Variants in CRYBG1 observed in about 807,000 individuals in gnomAD.
CRYBG1 encodes beta/gamma crystallin domain-containing protein 1.
Under a neutral mutation model 189.2 loss-of-function variants are expected in CRYBG1, and 139 were observed. The ratio of observed to expected loss-of-function variants is 0.73; its 90% CI spans 0.64 to 0.85. CRYBG1 has a LOEUF of 0.85. Ranked by LOEUF, CRYBG1 falls within the 40% of genes least tolerant of loss-of-function variation. The probability of loss-of-function intolerance (pLI) is 0.00; values close to 1 mark genes in which losing one functional copy is unlikely to be tolerated. For synonymous variants in CRYBG1, 1,023 were observed against 1,017.1 expected (o/e 1.01, Z -0.11); for missense variants, 2,611 against 2,675.8 (o/e 0.98, Z 0.53).
chr6:106,534,065 T>C (rs898721757), intron 8 of CRYBG1, among the ~76,000 whole-genome samples: 2 of 152,196 alleles, frequency 1.3e-5, no homozygotes, highest in Non-Finnish European at 1.5e-5. Flanking sequence ...AAGAAGTCTA[T>C]ACACTTTTTT....
chr6:106,413,253 T>TGGCACTG (rs1770962458), intron 1 of CRYBG1, among the ~76,000 whole-genome samples: 3 of 152,186 alleles, frequency 2.0e-5, no homozygotes, highest in Admixed American at 2.0e-4. Context: ...TGCCAACCCC[T>TGGCACTG]GGCACTGGGC....
intron 1 of CRYBG1, among the ~76,000 whole-genome samples, chr6:106,409,944 C>T (rs1770895021): frequency 6.6e-6 from 1 of 152,060 alleles, no homozygotes; most frequent in African/African-American, 2.4e-5. Context: ...TAGGCAATAC[C>T]ATCGGGACAT....
chr6:106,447,519 T>C (rs1771685379), intron 1 of CRYBG1, among the ~76,000 whole-genome samples: 1 of 148,010 alleles, frequency 6.8e-6, no homozygotes, highest in African/African-American at 2.5e-5. Flanking sequence ...TATTACACTT[T>C]GAATGCTTGT....
chr6:106,415,057 GCT>G (rs1770997294), intron 1 of CRYBG1, among the ~76,000 whole-genome samples: 1 of 151,996 alleles, frequency 6.6e-6, no homozygotes, highest in Non-Finnish European at 1.5e-5. Context: ...AGAGATGGGA[GCT>G]CTGATTTTAC....
chr6:106,431,552 C>T (rs1171930793), intron 1 of CRYBG1, among the ~76,000 whole-genome samples: 1 of 152,068 alleles, frequency 6.6e-6, no homozygotes, highest in Non-Finnish European at 1.5e-5. Flanking sequence ...AAATAACTTG[C>T]TTGTTCCAGT....
chr6:106,389,855 T>C (rs978092666), intron 1 of CRYBG1, among the ~76,000 whole-genome samples: 3 of 152,084 alleles, frequency 2.0e-5, no homozygotes, highest in Non-Finnish European at 4.4e-5. Context: ...TTCTGTTGTA[T>C]TGTGATGTTT....
intron 2 of CRYBG1, among the ~76,000 whole-genome samples, chr6:106,480,029 A>G (rs1189389679): frequency 6.6e-6 from 1 of 151,900 alleles, no homozygotes; most frequent in Non-Finnish European, 1.5e-5. Context: ...CTTCTGTTTT[A>G]TTTATAGTTT....
Position 106,551,935 on chromosome 6 carries a change from G to A in CRYBG1, c.5396G>A (p.Gly1799Glu), listed in dbSNP as rs1774413811. 6.2e-7 allele frequency: 1 copy of A among 1,611,614 alleles called. No individual in the cohort carries two copies. Among genetic ancestry groups the A allele is most frequent in the East Asian group, 2.2e-5 (1 of 44,778 alleles). The change falls in exon 14 of 22, where the codon GGA becomes GAA. Residue 1799 changes from glycine (G) to glutamate (E), a missense_variant. Physicochemically the swap from Gly to Glu is moderately conservative, Grantham distance 98 (BLOSUM62 -2). Transcript: ENST00000633556. ...KGFYTSFEDW[G>E]GKNCKISSVQ... ...TTTTATACCAGTTTTGAGGACTGGG[G>A]AGGCAAAAATTGTAAGATCTCTTCT... is the stretch of plus-strand genomic sequence containing the variant.
intron 2 of CRYBG1, among the ~76,000 whole-genome samples, chr6:106,495,892 C>G (rs890594269): frequency 6.7e-6 from 1 of 150,154 alleles, no homozygotes; most frequent in Non-Finnish European, 1.5e-5. Context: ...ATATTCAACT[C>G]CTTGGAAAAA....
intron 21 of CRYBG1, 76 bp downstream of exon 21, chr6:106,564,002 T>G (rs1385435106): frequency 7.0e-7 from 1 of 1,427,464 alleles, no homozygotes; most frequent in African/African-American, 1.4e-5. Context: ...TTCATAACTT[T>G]TGAAAATGAT....
intron 1 of CRYBG1, among the ~76,000 whole-genome samples, chr6:106,395,037 T>A (rs1289415524): frequency 6.6e-6 from 1 of 151,240 alleles, no homozygotes; most frequent in African/African-American, 2.4e-5. Context: ...ATATATATAT[T>A]TTATAAAATT....
chr6:106,513,479 T>A (rs1222090921), intron 3 of CRYBG1, among the ~76,000 whole-genome samples: 1 of 152,236 alleles, frequency 6.6e-6, no homozygotes, highest in Non-Finnish European at 1.5e-5. Context: ...TTGACATGTG[T>A]GAGTTTTAAG....
intron 2 of CRYBG1, among the ~76,000 whole-genome samples, chr6:106,483,402 A>ATATAT (rs1361096436): frequency 1.1e-5 from 1 of 88,298 alleles, no homozygotes; most frequent in Admixed American, 1.3e-4. Flanking sequence ...ATATATATAT[A>ATATAT]AAACATTTTC....
At chr6:106,501,775 A>G (rs1240508659) in intron 2 of CRYBG1, among the ~76,000 whole-genome samples, 2 of 152,246 alleles carry the variant, frequency 1.3e-5, no homozygotes, top group Non-Finnish European at 2.9e-5. Context: ...GTTGGTAGAA[A>G]GTCAACAATT....
At chr6:106,407,303 T>C (rs117510946) in intron 1 of CRYBG1, among the ~76,000 whole-genome samples, 12,053 of 152,186 alleles carry the variant, frequency 0.079, 627 homozygotes, top group East Asian at 0.15. Flanking sequence ...CACTACATAA[T>C]GGTAAAGAGA....
rs1771943754 is a variant in CRYBG1 at position 106,364,498 on chromosome 6, TTTACTC to T, written c.173+3421_173+3426del. ...AACTTGGCTACTTCTCTTTCCAAAA[TTTACTC>T]TTAAAGTTTTTTTTCAGCTTGGTTT... On this transcript the variant is annotated intron_variant, in intron 1 of 21. Transcript: ENST00000633556. 3.3e-5 allele frequency among the ~76,000 whole-genome samples: 5 copies of T among 152,360 alleles called. No homozygotes were observed. In the South Asian group the frequency reaches 1.0e-3, roughly 32 times the overall value.
In CRYBG1 at chr6:106,504,647, GTGTTTGTGTGTGTGTATA is replaced by G. The variant is rs1773090556; in HGVS notation, c.313-6779_313-6762del. 2.2e-5 allele frequency among the ~76,000 whole-genome samples: 3 copies of G among 135,904 alleles called. No individual in the cohort carries two copies. In the South Asian group the frequency reaches 8.8e-4, roughly 40 times the overall value. 89.2% of individuals were successfully genotyped at this position (135,904 alleles called of 152,430 possible). A position where few individuals can be genotyped will look rare whatever the true frequency, so the allele number is the denominator to read the frequency against. ...TTTATTCTTTTTGCTGTGCGTGTGT[GTGTTTGTGTGTGTGTATA>G]TGTGTGTGTGTGTATAGAACAGGCC... On this transcript the variant is annotated intron_variant, in intron 2 of 21. Coordinates refer to ENST00000633556, the MANE Select transcript of CRYBG1 (RefSeq NM_001371242.2).
chr6:106,430,199 G>C (rs1771299359), intron 1 of CRYBG1, among the ~76,000 whole-genome samples: 1 of 152,170 alleles, frequency 6.6e-6, no homozygotes, highest in Non-Finnish European at 1.5e-5. Flanking sequence ...GGGAGGCCAA[G>C]GCAGAAGGAT....
intron 2 of CRYBG1, among the ~76,000 whole-genome samples, chr6:106,477,767 G>A (rs191553861): frequency 3.3e-5 from 5 of 152,318 alleles, no homozygotes; most frequent in Admixed American, 2.0e-4. Context: ...TTTCTACCCA[G>A]GTTTTCCTGA....
Sources: allele counts gnomAD v4.1 joint callset (sites outside exome capture counted in the v4.1 genomes callset), GRCh38; gene constraint gnomAD v4.1.1; transcripts MANE v1.5; gene names NCBI Gene and HGNC (gene_info 2026-07-23, HGNC 2026-07-21).